ATL3: variants seen among roughly 807,000 people sequenced by gnomAD.
The protein encoded by ATL3 is atlastin GTPase 3, also known as atlastin-3.
ATL3 carries 49 observed loss-of-function variants against 69.5 expected under a neutral mutation model. The observed-to-expected ratio is 0.71, with a 90% CI of 0.56 to 0.89. The LOEUF (loss-of-function observed/expected upper bound fraction) is 0.89. ATL3 is among the 40% of genes least tolerant of loss of function. The pLI is 0.00. For synonymous variants in ATL3, 214 were observed against 224.1 expected, an observed-to-expected ratio of 0.95 and a Z score of 0.40; for missense variants, 606 against 645.7, an observed-to-expected ratio of 0.94 and a Z score of 0.67.
chr11:63,666,355 G>A (rs989603699), intron 1 of ATL3, among the ~76,000 whole-genome samples: 1 of 151,466 alleles, frequency 6.6e-6, no homozygotes, highest in Non-Finnish European at 1.5e-5. Context: ...CTATTTGGAT[G>A]ATACAACTTC....
chr11:63,646,841 G>A (rs1218882190), intron 5 of ATL3, among the ~76,000 whole-genome samples: 3 of 152,054 alleles, frequency 2.0e-5, no homozygotes, highest in African/African-American at 4.8e-5. Flanking sequence ...CTCCCTATGG[G>A]CTATTCTCAA....
At chr11:63,660,173 A>G (rs2134526874) in intron 1 of ATL3, among the ~76,000 whole-genome samples, 1 of 152,294 alleles carries the variant, frequency 6.6e-6, no homozygotes, top group South Asian at 2.1e-4. Context: ...AAAGACTTCA[A>G]TAAGTAAAAA....
At position 63,627,625 on chromosome 11, in the gene ATL3, T is replaced by C. The variant is rs1356345924; in HGVS notation, c.*1694A>G. The C allele has an allele frequency of 6.6e-6, 1 of 152,202 alleles. No individual in the cohort carries two copies. The highest frequency in any genetic ancestry group is 2.4e-5 in the African/African-American group (1 of 41,456). The allele number at this position is 152,202 out of a possible 1,614,324, so 9.4% of individuals were successfully genotyped here. On this transcript the variant is annotated 3_prime_UTR_variant, in exon 13 of 13. Transcript: ENST00000398868. ...CCCTCCCATAACAAAAGTTAAATTA[T>C]CTTAGAAATTAAGGCTTATATACCT...
chr11:63,635,202 TAAAC>T (rs1247739404), intron 10 of ATL3, among the ~76,000 whole-genome samples: 1 of 151,834 alleles, frequency 6.6e-6, no homozygotes, highest in African/African-American at 2.4e-5. Context: ...ATAAAAAAAA[TAAAC>T]AACAGATGAC....
At chr11:63,655,673 C>A (rs968190732) in intron 3 of ATL3, among the ~76,000 whole-genome samples, 5 of 151,930 alleles carry the variant, frequency 3.3e-5, no homozygotes, top group African/African-American at 1.2e-4. Flanking sequence ...TCTCAAACTC[C>A]TGACTTCAGG....
intron 6 of ATL3, among the ~76,000 whole-genome samples, chr11:63,645,747 TTTTTA>T (rs746700016): frequency 8.6e-5 from 13 of 151,686 alleles, no homozygotes; most frequent in African/African-American, 2.2e-4. Flanking sequence ...GTGCACGACC[TTTTTA>T]TTTTATTTTA....
chr11:63,649,309 C>A (rs1323956053), intron 5 of ATL3, among the ~76,000 whole-genome samples: 1 of 152,002 alleles, frequency 6.6e-6, no homozygotes, highest in Non-Finnish European at 1.5e-5. Flanking sequence ...CAACACCCAG[C>A]TAATTTTTGT....
intron 8 of ATL3, among the ~76,000 whole-genome samples, chr11:63,638,946 T>A (rs1230039391): frequency 6.6e-6 from 1 of 152,180 alleles, no homozygotes. Context: ...GAAATTTAAA[T>A]GTTCTACAAA....
chr11:63,646,804 T>C (rs890372672), intron 5 of ATL3, among the ~76,000 whole-genome samples: 3 of 152,142 alleles, frequency 2.0e-5, no homozygotes, highest in African/African-American at 7.2e-5. Flanking sequence ...AATACTGCAA[T>C]AGCCTCCTAA....
chr11:63,631,620 A>G, intron 11 of ATL3, 149 bp from the exon 12 acceptor site: 2 of 749,558 alleles, frequency 2.7e-6, no homozygotes, highest in Admixed American at 3.0e-5. Flanking sequence ...TAAGACCAAT[A>G]AAGTCTAGTT....
intron 5 of ATL3, 52 bp from the exon 6 acceptor site, chr11:63,646,615 C>A: frequency 1.6e-6 from 2 of 1,261,326 alleles, no homozygotes; most frequent in South Asian, 1.3e-5. Flanking sequence ...TAAAATAGTT[C>A]TATGGCCTTT....
At chr11:63,650,037 ATT>A (rs528535745) in intron 5 of ATL3, among the ~76,000 whole-genome samples, 1 of 147,838 alleles carries the variant, frequency 6.8e-6, no homozygotes, top group African/African-American at 2.5e-5. Context: ...TTCCCCTGTA[ATT>A]TTTTTTTTTG....
chr11:63,640,900 CCAGT>C (rs971123434), intron 8 of ATL3, among the ~76,000 whole-genome samples: 1 of 152,102 alleles, frequency 6.6e-6, no homozygotes, highest in Non-Finnish European at 1.5e-5. Context: ...CTGCACCCAG[CCAGT>C]ATACATATTT....
At chr11:63,636,417 G>A in intron 8 of ATL3, 83 bp from the exon 9 acceptor site, 1 of 1,555,992 alleles carries the variant, frequency 6.4e-7, no homozygotes, top group Non-Finnish European at 8.8e-7. Flanking sequence ...AGTCTTCCCA[G>A]TCTAGTGCTT....
Position 63,642,063 on chromosome 11 carries a change from A to C in ATL3, c.850+1294T>G, listed in dbSNP as rs528953661. Among the ~76,000 whole-genome samples, 3 of 152,280 alleles carry C rather than the reference A, an allele frequency of 2.0e-5. No individual in the cohort carries two copies. In the South Asian group the frequency reaches 6.2e-4, roughly 32 times the overall value. ...TAATGGAGCATTATAATCCTAAACA[A>C]TATATTACCTAGAGACATACACATA... On this transcript the variant is annotated intron_variant, in intron 8 of 12. Transcript: ENST00000398868.
Position 63,635,674 on chromosome 11 carries a change from A to C in ATL3, c.979-84T>G, listed in dbSNP as rs1939491027. 9.2e-6 allele frequency: 10 copies of C among 1,091,294 alleles called. No individual in the cohort carries two copies. In the East Asian group the frequency reaches 1.8e-4, roughly 20 times the overall value. 67.6% of individuals were successfully genotyped at this position (1,091,294 alleles called of 1,614,324 possible). ...TTTAATTTTTAGAAAGTGACCATAC[A>C]ACTGCATTTTCCTAAAGACTTAGGT... On this transcript the variant is annotated intron_variant, in intron 9 of 12. Transcript: ENST00000398868.
chr11:63,631,449 T>A lies in ATL3; in HGVS notation c.1130A>T (p.Tyr377Phe), dbSNP rs2134462529. The change falls in exon 12 of 13, where the codon TAT (tyrosine) becomes TTT (phenylalanine). Residue 377 changes from tyrosine (Y) to phenylalanine (F), a missense_variant. Coordinates refer to ENST00000398868, the MANE Select transcript of ATL3 (RefSeq NM_015459.5). ...CTCCTCTAGAATGTCTGGAGACAAA[T>A]AAGGTTTCTCTCCCCCACAAACCTA... is the stretch of plus-strand genomic sequence containing the variant. The part of the protein sequence containing the change: ...MEEVCGGEKP[Y>F]LSPDILEEKH... 3 of 1,609,556 alleles carry A rather than the reference T, an allele frequency of 1.9e-6. No homozygotes were observed. In the African/African-American group the frequency reaches 4.0e-5, roughly 22 times the overall value.
In ATL3 at chr11:63,625,800, G is replaced by C. The variant is rs1939089440; in HGVS notation, c.*3519C>G. ...GAGTTGAGACCAGCCTGGTCAACAT[G>C]GCGAAGCCCTGTCTCTACTAAAAAT... On this transcript the variant is annotated 3_prime_UTR_variant, in exon 13 of 13. Transcript: ENST00000398868. 6.6e-6 allele frequency: 1 copy of C among 152,232 alleles called. No homozygotes were observed. Among genetic ancestry groups the C allele is most frequent in the African/African-American group, 2.4e-5 (1 of 41,450 alleles). 9.4% of individuals were successfully genotyped at this position (152,232 alleles called of 1,614,324 possible). A position where few individuals can be genotyped will look rare whatever the true frequency, so the allele number is the denominator to read the frequency against.
chr11:63,636,299 G>A lies in ATL3; in HGVS notation c.886C>T (p.Leu296=). 1 of 1,614,072 alleles carries A rather than the reference G, an allele frequency of 6.2e-7. No homozygotes were observed. Among genetic ancestry groups the A allele is most frequent in the Non-Finnish European group, 8.5e-7 (1 of 1,180,034 alleles). ...GATGGGTTTAATACATACGGTATCA[G>A]TGCCTGTAACTGCTCTTTGAATTCA... The part of the protein sequence containing the change: ...AGEFKEQLQA[L]IPYVLNPSKL... The change falls in exon 9 of 13, where the codon CTG becomes TTG. Residue 296 remains leucine, a synonymous_variant. Coordinates refer to ENST00000398868, the MANE Select transcript of ATL3 (RefSeq NM_015459.5).
Sources: allele counts gnomAD v4.1 joint callset (sites outside exome capture counted in the v4.1 genomes callset), GRCh38; gene constraint gnomAD v4.1.1; transcripts MANE v1.5; gene names NCBI Gene and HGNC (gene_info 2026-07-23, HGNC 2026-07-21).